Variants in METTL25 observed in about 807,000 individuals in gnomAD.
METTL25 encodes the protein probable methyltransferase-like protein 25.
A neutral mutation model predicts 71.6 loss-of-function variants in METTL25; 64 were observed. The observed-to-expected ratio is 0.89, with a 90% CI of 0.73 to 1.10. The LOEUF (loss-of-function observed/expected upper bound fraction) is 1.10, where lower values mean the gene tolerates loss of function less well. Ranked by LOEUF, METTL25 falls within the 50% of genes least tolerant of loss-of-function variation. METTL25 has a pLI of 0.00. For missense variants in METTL25, 807 were observed against 707.0 expected, an observed-to-expected ratio of 1.14 and a Z score of -1.60; for synonymous variants, 287 against 250.3, an observed-to-expected ratio of 1.15 and a Z score of -1.38.
chr12:82,390,882 G>A (rs1044431617), intron 3 of METTL25, among the ~76,000 whole-genome samples: 7 of 152,030 alleles, frequency 4.6e-5, no homozygotes, highest in African/African-American at 1.4e-4. Flanking sequence ...CTTGGGGAGC[G>A]AGTGCTGTTT....
At chr12:82,424,136 C>T (rs1888772925) in intron 5 of METTL25, among the ~76,000 whole-genome samples, 1 of 152,074 alleles carries the variant, frequency 6.6e-6, no homozygotes, top group Non-Finnish European at 1.5e-5. Context: ...GGAACCAACC[C>T]AAATGTCCAA....
chr12:82,368,119 G>C (rs1047725711), intron 1 of METTL25, among the ~76,000 whole-genome samples: 2 of 152,022 alleles, frequency 1.3e-5, no homozygotes, highest in Non-Finnish European at 2.9e-5. Context: ...TAGATGCAGA[G>C]TCAGAAGACC....
At chr12:82,466,752 G>T (rs1892260642) in intron 9 of METTL25, among the ~76,000 whole-genome samples, 1 of 151,776 alleles carries the variant, frequency 6.6e-6, no homozygotes. Context: ...AATAATATTT[G>T]CATTATATAT....
intron 9 of METTL25, among the ~76,000 whole-genome samples, chr12:82,472,602 A>G (rs1892636346): frequency 6.6e-6 from 1 of 152,120 alleles, no homozygotes; most frequent in African/African-American, 2.4e-5. Flanking sequence ...CGTCTCGAAA[A>G]AAAATTATTC....
At chr12:82,478,684 C>T (rs17776036) in intron 11 of METTL25, among the ~76,000 whole-genome samples, 8,325 of 151,906 alleles carry the variant, frequency 0.055, 292 homozygotes, top group Middle Eastern at 0.11. Flanking sequence ...TTGGCCACTT[C>T]CAGTTTTTCA....
At chr12:82,472,433 C>T (rs1256354358) in intron 9 of METTL25, among the ~76,000 whole-genome samples, 2 of 152,126 alleles carry the variant, frequency 1.3e-5, no homozygotes, top group African/African-American at 2.4e-5. Flanking sequence ...CCCATCTCTA[C>T]TAAAAATACA....
chr12:82,440,184 A>G (rs1451124837), intron 8 of METTL25, among the ~76,000 whole-genome samples: 2 of 151,830 alleles, frequency 1.3e-5, no homozygotes, highest in Non-Finnish European at 1.5e-5. Context: ...TCCCCTAGTT[A>G]TATCTAGCCA....
intron 8 of METTL25, among the ~76,000 whole-genome samples, chr12:82,451,037 T>A (rs1157858225): frequency 1.3e-5 from 2 of 152,150 alleles, no homozygotes; most frequent in Admixed American, 1.3e-4. Flanking sequence ...TCAAATGATT[T>A]TTTGTTTCCT....
chr12:82,441,573 G>A (rs1176763000), intron 8 of METTL25, among the ~76,000 whole-genome samples: 2 of 151,720 alleles, frequency 1.3e-5, no homozygotes, highest in African/African-American at 2.4e-5. Context: ...GAATAGAGCA[G>A]ACTGGCTAGG....
At chr12:82,415,930 A>C (rs1337500278) in intron 5 of METTL25, among the ~76,000 whole-genome samples, 1 of 152,188 alleles carries the variant, frequency 6.6e-6, no homozygotes, top group Admixed American at 6.6e-5. Context: ...GAAACAAATC[A>C]GAGATAATAA....
intron 1 of METTL25, among the ~76,000 whole-genome samples, chr12:82,360,882 G>C (rs1156837568): frequency 6.6e-6 from 1 of 152,130 alleles, no homozygotes; most frequent in East Asian, 1.9e-4. Context: ...GATGTGTTCG[G>C]AGTTTCTTCC....
intron 5 of METTL25, among the ~76,000 whole-genome samples, chr12:82,411,956 T>C (rs984115163): frequency 7.9e-5 from 12 of 152,114 alleles, no homozygotes; most frequent in Non-Finnish European, 1.6e-4. Flanking sequence ...TCCTATTAGC[T>C]ATGAAGGTTT....
chr12:82,421,043 G>C (rs1592694516), intron 5 of METTL25, among the ~76,000 whole-genome samples: 1 of 152,098 alleles, frequency 6.6e-6, no homozygotes, highest in Non-Finnish European at 1.5e-5. Flanking sequence ...TAAATTTTTA[G>C]TACAGACGGG....
intron 4 of METTL25, among the ~76,000 whole-genome samples, chr12:82,400,199 G>A (rs1055846122): frequency 1.3e-4 from 20 of 152,022 alleles, no homozygotes; most frequent in African/African-American, 4.8e-4. Flanking sequence ...GGGTGTGGTG[G>A]CAGGTGCCTA....
At chr12:82,388,466 T>A (rs1410518605) in intron 2 of METTL25, among the ~76,000 whole-genome samples, 1 of 152,014 alleles carries the variant, frequency 6.6e-6, no homozygotes. Context: ...GGGGCTGTAG[T>A]CGACTGGCAA....
At position 82,434,705 on chromosome 12, in the gene METTL25, G is replaced by T; in HGVS notation, c.1385G>T (p.Arg462Leu). The change falls in exon 7 of 12, where the codon CGG becomes CTG. Residue 462 changes from arginine (R) to leucine (L), a missense_variant. Arg to Leu is a moderately radical substitution (Grantham distance 102). Transcript: ENST00000248306. ...ARMSACLALE[R>L]VAAGQGLPTE... is the part of the protein sequence containing the mutation. ...TTTTTTCCCTTTAAGGCATTGGAGC[G>T]GGTTGCAGCTGGCCAAGGGGTAAGT... 1 of 1,609,304 alleles carries T rather than the reference G, an allele frequency of 6.2e-7. No homozygotes were observed. The highest frequency in any genetic ancestry group is 1.1e-5 in the South Asian group (1 of 90,952).
At chr12:82,454,520 C>T (rs973968439) in intron 8 of METTL25, among the ~76,000 whole-genome samples, 1 of 151,862 alleles carries the variant, frequency 6.6e-6, no homozygotes, top group Admixed American at 6.6e-5. Flanking sequence ...TGAAATAATA[C>T]AGATTAACAA....
At chr12:82,418,484 T>TA (rs1320013224) in intron 5 of METTL25, among the ~76,000 whole-genome samples, 2 of 152,128 alleles carry the variant, frequency 1.3e-5, no homozygotes, top group African/African-American at 2.4e-5. Context: ...ATACCCACTT[T>TA]AAAAAATGTG....
chr12:82,467,254 GTTTTTTAAATC>G (rs1892292824), intron 9 of METTL25, among the ~76,000 whole-genome samples: 1 of 151,978 alleles, frequency 6.6e-6, no homozygotes, highest in African/African-American at 2.4e-5. Context: ...TTTTCTGGTT[GTTTTTTAAATC>G]TTTTTTTGTC....
Sources: allele counts gnomAD v4.1 joint callset (sites outside exome capture counted in the v4.1 genomes callset), GRCh38; gene constraint gnomAD v4.1.1; transcripts MANE v1.5; gene names NCBI Gene and HGNC (gene_info 2026-07-23, HGNC 2026-07-21).